METTL15: variants seen among roughly 807,000 people sequenced by gnomAD.
The protein encoded by METTL15 is 12S rRNA N(4)-cytidine methyltransferase METTL15.
Under a neutral mutation model 38.3 loss-of-function variants are expected in METTL15, and 34 were observed. The observed-to-expected ratio is 0.89, with a 90% confidence interval of 0.68 to 1.18. The LOEUF is 1.18. Ranked by LOEUF, METTL15 falls within the 50% of genes most tolerant of loss-of-function variation. METTL15 has a pLI of 0.00. For missense variants in METTL15, 438 were observed against 498.4 expected (o/e 0.88, Z 1.15); for synonymous variants, 162 against 170.9 (o/e 0.95, Z 0.41).
At chr11:28,136,118 C>A (rs1353564885) in intron 3 of METTL15, among the ~76,000 whole-genome samples, 1 of 152,124 alleles carries the variant, frequency 6.6e-6, no homozygotes, top group African/African-American at 2.4e-5. Flanking sequence ...CTGTGAATAG[C>A]AAAATGTCCA....
At chr11:28,470,749 G>A (rs1851297029) in intron 6 of METTL15, among the ~76,000 whole-genome samples, 1 of 152,094 alleles carries the variant, frequency 6.6e-6, no homozygotes, top group Non-Finnish European at 1.5e-5. Flanking sequence ...CAATTAACAT[G>A]TTCAGCTACT....
intron 5 of METTL15, among the ~76,000 whole-genome samples, chr11:28,373,660 T>A (rs1850271944): frequency 1.3e-5 from 2 of 152,208 alleles, no homozygotes; most frequent in South Asian, 2.1e-4. Context: ...AGCAATTTAG[T>A]TTAATTGAAT....
intron 5 of METTL15, among the ~76,000 whole-genome samples, chr11:28,378,652 G>A (rs1015692286): frequency 2.0e-5 from 3 of 151,930 alleles, no homozygotes; most frequent in Admixed American, 6.6e-5. Context: ...GACAGGAGCT[G>A]TTCCTATTCG....
intron 6 of METTL15, among the ~76,000 whole-genome samples, chr11:28,518,731 A>G (rs1047598119): frequency 1.3e-5 from 2 of 152,236 alleles, no homozygotes; most frequent in Non-Finnish European, 2.9e-5. Flanking sequence ...ACTGAATTAG[A>G]AATCCTAAGT....
chr11:28,175,099 A>C (rs1851013801), intron 3 of METTL15, among the ~76,000 whole-genome samples: 5 of 141,874 alleles, frequency 3.5e-5, no homozygotes, highest in African/African-American at 5.3e-5. Flanking sequence ...CCTCCCCCCT[A>C]CCCCCACCCC....
chr11:28,121,380 C>G (rs1230565262), intron 3 of METTL15, among the ~76,000 whole-genome samples: 1 of 152,092 alleles, frequency 6.6e-6, no homozygotes, highest in Non-Finnish European at 1.5e-5. Context: ...AATTTATGCA[C>G]TGGGACCTGA....
downstream of METTL15, among the ~76,000 whole-genome samples, chr11:28,530,697 G>C (rs533889276): frequency 6.6e-6 from 1 of 151,818 alleles, no homozygotes; most frequent in Non-Finnish European, 1.5e-5. Flanking sequence ...CTAAATAAGA[G>C]ATTTAGAATT....
intron 6 of METTL15, among the ~76,000 whole-genome samples, chr11:28,315,496 G>T (rs904011890): frequency 6.6e-6 from 1 of 152,178 alleles, no homozygotes; most frequent in East Asian, 1.9e-4. Flanking sequence ...GAGAAGCAGA[G>T]CATAAAAGTT....
At chr11:28,109,777 C>A (rs1851639650) in intron 1 of METTL15, among the ~76,000 whole-genome samples, 1 of 152,142 alleles carries the variant, frequency 6.6e-6, no homozygotes, top group African/African-American at 2.4e-5. Flanking sequence ...CACACCTAAT[C>A]CAAGTACTTT....
chr11:28,117,654 T>A (rs1244229724), intron 3 of METTL15, among the ~76,000 whole-genome samples: 1 of 152,206 alleles, frequency 6.6e-6, no homozygotes, highest in Non-Finnish European at 1.5e-5. Context: ...TTCCAGTAAC[T>A]TTTTATAAGA....
chr11:28,217,237 T>G (rs1164427506), intron 4 of METTL15, among the ~76,000 whole-genome samples: 5 of 151,396 alleles, frequency 3.3e-5, no homozygotes, highest in African/African-American at 1.2e-4. Flanking sequence ...TTTCCTGACT[T>G]TTTAATGATC....
At chr11:28,144,617 A>G (rs1213387358) in intron 3 of METTL15, among the ~76,000 whole-genome samples, 1 of 151,918 alleles carries the variant, frequency 6.6e-6, no homozygotes, top group Non-Finnish European at 1.5e-5. Flanking sequence ...CAGGGTTTAG[A>G]TATATATATG....
intron 4 of METTL15, among the ~76,000 whole-genome samples, chr11:28,242,923 A>G (rs1854359476): frequency 6.6e-6 from 1 of 152,150 alleles, no homozygotes; most frequent in South Asian, 2.1e-4. Context: ...AATAATTTTG[A>G]TGATATAAGT....
At chr11:28,235,693 A>G (rs1427382793) in intron 4 of METTL15, among the ~76,000 whole-genome samples, 1 of 151,878 alleles carries the variant, frequency 6.6e-6, no homozygotes, top group Non-Finnish European at 1.5e-5. Flanking sequence ...TTATCAGCTT[A>G]AGGAGATTTT....
At chr11:28,428,054 A>C (rs182161732) in intron 6 of METTL15, among the ~76,000 whole-genome samples, 118 of 152,272 alleles carry the variant, frequency 7.7e-4, no homozygotes, top group African/African-American at 2.5e-3. Flanking sequence ...TCTTTCTATT[A>C]AGTAGGAATA....
chr11:28,298,705 A>C (rs1031525722), intron 6 of METTL15, among the ~76,000 whole-genome samples: 1 of 152,140 alleles, frequency 6.6e-6, no homozygotes, highest in Non-Finnish European at 1.5e-5. Context: ...AAATATTCAT[A>C]TATGGTAAAT....
At chr11:28,226,352 TTTTG>T (rs1853477034) in intron 4 of METTL15, among the ~76,000 whole-genome samples, 1 of 151,994 alleles carries the variant, frequency 6.6e-6, no homozygotes, top group African/African-American at 2.4e-5. Flanking sequence ...ACTTCCATTG[TTTTG>T]TTTGTTTTCA....
chr11:28,173,490 T>C (rs1850936070), intron 3 of METTL15, among the ~76,000 whole-genome samples: 1 of 152,228 alleles, frequency 6.6e-6, no homozygotes, highest in South Asian at 2.1e-4. Flanking sequence ...CTGTTGCTTA[T>C]AAGCCACCTG....
chr11:28,300,438 G>A (rs545285747), intron 6 of METTL15, among the ~76,000 whole-genome samples: 1 of 152,232 alleles, frequency 6.6e-6, no homozygotes, highest in African/African-American at 2.4e-5. Context: ...TGTAAGTCAC[G>A]TGATTAAGCT....
Sources: allele counts gnomAD v4.1 joint callset (sites outside exome capture counted in the v4.1 genomes callset), GRCh38; gene constraint gnomAD v4.1.1; transcripts MANE v1.5; gene names NCBI Gene and HGNC (gene_info 2026-07-23, HGNC 2026-07-21).